The following ATP8A2 variants were observed in gnomAD, a reference collection of about 807,000 sequenced individuals.
ATP8A2 encodes the protein phospholipid-transporting ATPase IB.
A neutral mutation model predicts 165.6 loss-of-function variants in ATP8A2; 100 were observed. The observed-to-expected ratio is 0.60, with a 90% CI of 0.51 to 0.71. The LOEUF is 0.71. Ranked by LOEUF, ATP8A2 falls within the 30% of genes least tolerant of loss-of-function variation. ATP8A2 has a pLI of 0.00. For synonymous variants in ATP8A2, 543 were observed against 548.8 expected (o/e 0.99, Z 0.15); for missense variants, 1,227 against 1,479.5 (o/e 0.83, Z 2.80).
chr13:25,463,462 A>G (rs1324265692), intron 1 of ATP8A2, among the ~76,000 whole-genome samples: 1 of 152,092 alleles, frequency 6.6e-6, no homozygotes, highest in Non-Finnish European at 1.5e-5. Flanking sequence ...ATTGGAACAA[A>G]TTTCAAAAAC....
At chr13:25,883,569 C>T (rs565601322) in intron 33 of ATP8A2, among the ~76,000 whole-genome samples, 5 of 152,330 alleles carry the variant, frequency 3.3e-5, no homozygotes, top group South Asian at 2.1e-4. Flanking sequence ...CTCCTTCATG[C>T]GGACAGGCCC....
chr13:25,986,823 C>T (rs1342900008), intron 35 of ATP8A2, among the ~76,000 whole-genome samples: 3 of 152,076 alleles, frequency 2.0e-5, no homozygotes, highest in Non-Finnish European at 2.9e-5. Flanking sequence ...TTTACATTTC[C>T]ACCAATACTG....
At chr13:25,382,000 A>G (rs2032855407) in intron 1 of ATP8A2, among the ~76,000 whole-genome samples, 2 of 152,172 alleles carry the variant, frequency 1.3e-5, no homozygotes, top group African/African-American at 4.8e-5. Context: ...CACCGTGACA[A>G]TGTATAATGG....
intron 1 of ATP8A2, among the ~76,000 whole-genome samples, chr13:25,374,345 A>G (rs2137897589): frequency 6.6e-6 from 1 of 152,334 alleles, no homozygotes. Context: ...AGAACGCCTA[A>G]TAGAGCAGGT....
chr13:25,830,683 A>G (rs1566181934), intron 28 of ATP8A2, among the ~76,000 whole-genome samples: 2 of 152,220 alleles, frequency 1.3e-5, no homozygotes, highest in African/African-American at 4.8e-5. Flanking sequence ...ACTACTATTT[A>G]CCCTTCACCC....
intron 33 of ATP8A2, among the ~76,000 whole-genome samples, chr13:25,930,497 C>A (rs952811879): frequency 2.0e-5 from 3 of 152,188 alleles, no homozygotes; most frequent in Non-Finnish European, 2.9e-5. Context: ...CTGGGGGACT[C>A]AGCTCAAATA....
chr13:25,571,544 TGACAC>T, intron 17 of ATP8A2, 61 bp from the exon 18 acceptor site: 1 of 1,215,158 alleles, frequency 8.2e-7, no homozygotes, highest in Non-Finnish European at 1.2e-6. Context: ...ATTTGAAAAG[TGACAC>T]TAAACAGAAT....
chr13:25,574,807 G>A lies in ATP8A2; in HGVS notation c.1663-1G>A. 1.3e-6 allele frequency: 2 copies of A among 1,555,256 alleles called. No individual in the cohort carries two copies. Among genetic ancestry groups the A allele is most frequent in the Non-Finnish European group, 1.8e-6 (2 of 1,127,282 alleles). On this transcript the variant is annotated splice_acceptor_variant, in intron 18 of 36. Transcript: ENST00000381655. LOFTEE classifies it high-confidence loss of function. The stretch of plus-strand genomic sequence containing the variant: ...TTAAGAGCCTATTTTTCTTCCTTTA[G>A]ATGGGACAGGAACAAACATTCGGAA...
At chr13:25,532,710 A>C (rs2038154141) in intron 5 of ATP8A2, among the ~76,000 whole-genome samples, 1 of 152,122 alleles carries the variant, frequency 6.6e-6, no homozygotes. Context: ...CCTGTTGCCC[A>C]GGCTGGACTA....
At chr13:25,698,167 A>G (rs922637827) in intron 24 of ATP8A2, among the ~76,000 whole-genome samples, 1 of 151,808 alleles carries the variant, frequency 6.6e-6, no homozygotes, top group African/African-American at 2.4e-5. Context: ...ACATTCTTAT[A>G]TTTGAGTGAG....
rs376442292 is a variant in ATP8A2 at position 25,446,858 on chromosome 13, TTTG to T, written c.77-22116_77-22114del. Among the ~76,000 whole-genome samples, 195 of 152,220 alleles carry T rather than the reference TTTG, an allele frequency of 1.3e-3. 1 individual carries two copies. The highest frequency in any genetic ancestry group is 0.011 in the South Asian group (53 of 4,816). On this transcript the variant is annotated intron_variant, in intron 1 of 36. Coordinates refer to ENST00000381655, the MANE Select transcript of ATP8A2 (RefSeq NM_016529.6). The stretch of plus-strand genomic sequence containing the variant: ...TTATAAACCTAGGATTTTGTTTTGT[TTTG>T]TTTTGTTTTGTTGAGGCAAGGTCTT...
At chr13:25,981,710 T>G (rs1232840260) in intron 35 of ATP8A2, among the ~76,000 whole-genome samples, 1 of 152,142 alleles carries the variant, frequency 6.6e-6, no homozygotes, top group African/African-American at 2.4e-5. Context: ...GCTGAAAGAA[T>G]AGTAAACAGC....
intron 28 of ATP8A2, 45 bp from the exon 29 acceptor site, chr13:25,837,118 T>C: frequency 6.2e-7 from 1 of 1,600,710 alleles, no homozygotes; most frequent in South Asian, 1.1e-5. Flanking sequence ...TGAAGCCGTG[T>C]GGATCCGAAG....
At chr13:25,727,348 A>G (rs1442834550) in intron 25 of ATP8A2, among the ~76,000 whole-genome samples, 2 of 152,300 alleles carry the variant, frequency 1.3e-5, no homozygotes, top group Non-Finnish European at 2.9e-5. Context: ...AGGTACCACA[A>G]AATGCTGTGG....
intron 33 of ATP8A2, among the ~76,000 whole-genome samples, chr13:25,888,068 A>ACCCCCCCCCCC (rs71080210): frequency 1.6e-4 from 17 of 105,568 alleles, no homozygotes; most frequent in Admixed American, 4.1e-4. Flanking sequence ...AAGAACCCAG[A>ACCCCCCCCCCC]CCCCCCCCCC....
intron 24 of ATP8A2, among the ~76,000 whole-genome samples, chr13:25,652,349 G>T (rs964157653): frequency 1.3e-5 from 2 of 152,152 alleles, no homozygotes; most frequent in African/African-American, 4.8e-5. Context: ...TACCATGTGT[G>T]TTAAACTCCA....
chr13:25,965,589 C>G (rs1172796844), intron 34 of ATP8A2, among the ~76,000 whole-genome samples: 1 of 152,140 alleles, frequency 6.6e-6, no homozygotes, highest in African/African-American at 2.4e-5. Context: ...ATTTTAATAT[C>G]CCTGCGCTTA....
chr13:25,837,991 T>C (rs773813369), intron 29 of ATP8A2, among the ~76,000 whole-genome samples: 76 of 152,120 alleles, frequency 5.0e-4, no homozygotes, highest in Admixed American at 1.5e-3. Context: ...GGTGACCCCA[T>C]CCAAAGAAAA....
chr13:25,825,082 T>A (rs1410885561), intron 27 of ATP8A2, among the ~76,000 whole-genome samples: 1 of 150,948 alleles, frequency 6.6e-6, no homozygotes, highest in African/African-American at 2.4e-5. Flanking sequence ...TTTGTTTGCA[T>A]CTATTGTATA....
Sources: allele counts gnomAD v4.1 joint callset (sites outside exome capture counted in the v4.1 genomes callset), GRCh38; gene constraint gnomAD v4.1.1; transcripts MANE v1.5; gene names NCBI Gene and HGNC (gene_info 2026-07-23, HGNC 2026-07-21).